Variants in CTNNB1 observed in about 807,000 individuals in gnomAD.
CTNNB1 encodes the protein catenin beta 1.
A neutral mutation model predicts 82.5 loss-of-function variants in CTNNB1; 6 were observed. The observed-to-expected ratio is 0.07, with a 90% CI of 0.04 to 0.14. CTNNB1 has a LOEUF of 0.14. Ranked by LOEUF, CTNNB1 falls within the 10% of genes least tolerant of loss-of-function variation. The probability of loss-of-function intolerance (pLI) is 1.00; values close to 1 mark genes in which losing one functional copy is unlikely to be tolerated. For missense variants in CTNNB1, 529 were observed against 980.4 expected, an observed-to-expected ratio of 0.54 and a Z score of 6.15; for synonymous variants, 312 against 329.7, an observed-to-expected ratio of 0.95 and a Z score of 0.58.
intron 1 of CTNNB1, among the ~76,000 whole-genome samples, chr3:41,206,349 T>C (rs760733322): frequency 1.3e-5 from 2 of 152,156 alleles, no homozygotes; most frequent in African/African-American, 2.4e-5. Context: ...GCTGAAGTGT[T>C]AGGTTTAGTG....
chr3:41,218,619 C>T (rs748425850), intron 1 of CTNNB1, among the ~76,000 whole-genome samples: 6 of 152,224 alleles, frequency 3.9e-5, no homozygotes, highest in Non-Finnish European at 7.3e-5. Context: ...ATAAAAGTGT[C>T]GCAGGACACT....
At chr3:41,219,139 C>CT (rs1313462790) in intron 1 of CTNNB1, among the ~76,000 whole-genome samples, 1 of 152,138 alleles carries the variant, frequency 6.6e-6, no homozygotes, top group Non-Finnish European at 1.5e-5. Context: ...CATTATCAGT[C>CT]TTTTTGGCTG....
rs2125644592 is a variant in CTNNB1, at chr3:41,235,737, T to C, written c.1697T>C (p.Met566Thr). 1.2e-6 allele frequency: 2 copies of C among 1,614,124 alleles called. No individual in the cohort carries two copies. Among genetic ancestry groups the C allele is most frequent in the Admixed American group, 1.7e-5 (1 of 60,014 alleles). ...TTCTTTTGGCAGGAGGGGGTCCGCA[T>C]GGAAGAAATAGTTGAAGGTTGTACC... ...TQQQFVEGVRMEEIVEGCTGA... is the reference protein window; with the variant it reads ...TQQQFVEGVRTEEIVEGCTGA... The change falls in exon 11 of 15, where the codon ATG becomes ACG. Residue 566 changes from methionine to threonine, a missense_variant. Physicochemically the swap from Met to Thr is moderately conservative, Grantham distance 81 (BLOSUM62 -1). This residue lies in a region of CTNNB1 where 411 missense variants were observed against 776.4 expected (regional missense o/e 0.53). Coordinates refer to ENST00000349496, the MANE Select transcript of CTNNB1 (RefSeq NM_001904.4).
intron 7 of CTNNB1, among the ~76,000 whole-genome samples, chr3:41,232,095 G>A (rs1165334848): frequency 6.6e-6 from 1 of 152,106 alleles, no homozygotes; most frequent in African/African-American, 2.4e-5. Context: ...AGGGCAGCAG[G>A]GAAGGGGAGG....
Position 41,233,804 on chromosome 3 carries a change from T to C in CTNNB1, c.1461T>C (p.Leu487=), listed in dbSNP as rs1303782621. Residue 487 remains leucine (L), a synonymous_variant, in exon 9 of 15, where the codon CTT becomes CTC. Transcript: ENST00000349496. ...AGATGGCCCAGAATGCAGTTCGCCT[T>C]CACTATGGACTACCAGTTGTGGTTA... is the stretch of plus-strand genomic sequence containing the variant. The part of the protein sequence containing the change: ...EAEMAQNAVR[L]HYGLPVVVKL... 1.2e-6 allele frequency: 2 copies of C among 1,613,258 alleles called. No homozygotes were observed. Among genetic ancestry groups the C allele is most frequent in the Non-Finnish European group, 1.7e-6 (2 of 1,179,294 alleles).
In CTNNB1 at chr3:41,224,460, TTC is replaced by T. The variant is rs1411447954; in HGVS notation, c.14-64_14-63del. On this transcript the variant is annotated intron_variant, in intron 2 of 14. Transcript: ENST00000349496. Reference sequence around the variant, plus strand: ...ATATTTCAATGGGTCATATCACAGATTCTTTTTTTTTAAATTAAAGTAACATT... The same window carrying T: ...ATATTTCAATGGGTCATATCACAGATTTTTTTTTTAAATTAAAGTAACATT... 4.2e-6 allele frequency: 6 copies of T among 1,432,126 alleles called. No homozygotes were observed. In the East Asian group the frequency reaches 1.2e-4, roughly 29 times the overall value. 88.7% of individuals were successfully genotyped at this position (1,432,126 alleles called of 1,614,324 possible).
intron 7 of CTNNB1, among the ~76,000 whole-genome samples, chr3:41,228,737 C>G (rs181571868): frequency 7.6e-4 from 115 of 152,220 alleles, no homozygotes; most frequent in African/African-American, 2.8e-3. Context: ...TATACTGTCC[C>G]ATTTGTCAGT....
chr3:41,205,382 T>C (rs964551842), intron 1 of CTNNB1, among the ~76,000 whole-genome samples: 2 of 152,350 alleles, frequency 1.3e-5, no homozygotes, highest in African/African-American at 4.8e-5. Context: ...TGGTTAAATC[T>C]TTTGCTGCTA....
At chr3:41,211,924 C>A (rs1173953855) in intron 1 of CTNNB1, among the ~76,000 whole-genome samples, 1 of 152,204 alleles carries the variant, frequency 6.6e-6, no homozygotes, top group East Asian at 1.9e-4. Flanking sequence ...CTTTTTATAA[C>A]AATAAATCGT....
rs2077541568 is a variant in CTNNB1, at chr3:41,201,944, A to G, written c.-49+2274A>G. Among the ~76,000 whole-genome samples the G allele has an allele frequency of 2.6e-5, 4 of 152,128 alleles. No homozygotes were observed. In the South Asian group the frequency reaches 6.2e-4, roughly 24 times the overall value. On this transcript the variant is annotated intron_variant, in intron 1 of 14. Transcript: ENST00000349496. The stretch of plus-strand genomic sequence containing the variant: ...GTTTTAATAACACCACCACCAAGAT[A>G]GAAAACGAGGAGGCAAGTTTCTCCA...
chr3:41,210,467 A>G (rs2077754472), intron 1 of CTNNB1, among the ~76,000 whole-genome samples: 1 of 152,098 alleles, frequency 6.6e-6, no homozygotes, highest in South Asian at 2.1e-4. Context: ...AAAAAAACAA[A>G]CAAAAAACTA....
chr3:41,236,048 T>A, intron 11 of CTNNB1: 2 of 727,976 alleles, frequency 2.7e-6, no homozygotes, highest in Non-Finnish European at 4.6e-6. Context: ...TATGGGTGCC[T>A]AGAGGGGAGA....
At chr3:41,216,947 A>C (rs1043502898) in intron 1 of CTNNB1, among the ~76,000 whole-genome samples, 2 of 151,980 alleles carry the variant, frequency 1.3e-5, no homozygotes, top group Non-Finnish European at 2.9e-5. Context: ...CTACTTTGCT[A>C]TTGCCCCTTA....
chr3:41,222,441 C>T (rs576618438), intron 1 of CTNNB1: 1 of 152,278 alleles, frequency 6.6e-6, no homozygotes, highest in African/African-American at 2.4e-5. Context: ...TCCTTCACCT[C>T]ATAGGGTTGC....
intron 14 of CTNNB1, chr3:41,238,468 T>C: frequency 4.7e-6 from 1 of 212,092 alleles, no homozygotes; most frequent in Admixed American, 5.3e-5. Flanking sequence ...ATAGTTGCAT[T>C]ATCATCAGGG....
intron 1 of CTNNB1, chr3:41,222,485 C>A (rs978473219): frequency 6.6e-6 from 1 of 152,022 alleles, no homozygotes; most frequent in African/African-American, 2.4e-5. Flanking sequence ...ATTTATGTTG[C>A]ATAAATTTTA....
chr3:41,224,866 T>C (rs1322422248), intron 3 of CTNNB1, 88 bp from the exon 4 acceptor site: 147 of 1,601,508 alleles, frequency 9.2e-5, no homozygotes, highest in South Asian at 6.3e-4. Flanking sequence ...AAGAGAGTAA[T>C]AGCAATGTCA....
At chr3:41,229,624 T>C (rs1007837745) in intron 7 of CTNNB1, among the ~76,000 whole-genome samples, 4 of 152,182 alleles carry the variant, frequency 2.6e-5, no homozygotes, top group African/African-American at 9.7e-5. Flanking sequence ...TGGGGTTTTC[T>C]AGGTATAGAA....
intron 1 of CTNNB1, among the ~76,000 whole-genome samples, chr3:41,223,055 A>G (rs2078087846): frequency 6.6e-6 from 1 of 152,098 alleles, no homozygotes; most frequent in Non-Finnish European, 1.5e-5. Context: ...TGGTTTGGCA[A>G]GAGACCAAAA....
Sources: allele counts gnomAD v4.1 joint callset (sites outside exome capture counted in the v4.1 genomes callset), GRCh38; gene constraint gnomAD v4.1.1; regional missense constraint gnomAD v4.1.1; transcripts MANE v1.5; gene names NCBI Gene and HGNC (gene_info 2026-07-23, HGNC 2026-07-21).